The following BBS9 variants were observed in gnomAD, a reference collection of about 807,000 sequenced individuals.
The protein encoded by BBS9 is protein PTHB1.
BBS9 carries 89 observed loss-of-function variants against 117.7 expected under a neutral mutation model. The observed-to-expected ratio is 0.76, with a 90% CI of 0.64 to 0.90. The LOEUF (loss-of-function observed/expected upper bound fraction) is 0.90, where lower values mean the gene tolerates loss of function less well. Among genes scored for constraint, BBS9 ranks in the 40% least tolerant of loss-of-function variants. BBS9 has a pLI of 0.00. For missense variants in BBS9, 982 were observed against 1,042.2 expected (o/e 0.94, Z 0.80); for synonymous variants, 379 against 370.9 (o/e 1.02, Z -0.25).
downstream of BBS9, among the ~76,000 whole-genome samples, chr7:33,610,441 G>A (rs1265512869): frequency 6.6e-6 from 1 of 152,144 alleles, no homozygotes; most frequent in African/African-American, 2.4e-5. Flanking sequence ...CCACTTCCAA[G>A]ACGGCGCCTT....
At chr7:33,435,629 G>C (rs1349138384) in intron 19 of BBS9, among the ~76,000 whole-genome samples, 2 of 152,128 alleles carry the variant, frequency 1.3e-5, no homozygotes, top group Non-Finnish European at 2.9e-5. Flanking sequence ...TAAATACCAA[G>C]CATAGTATGT....
intron 19 of BBS9, among the ~76,000 whole-genome samples, chr7:33,486,038 G>C (rs1007268709): frequency 1.3e-5 from 2 of 152,148 alleles, no homozygotes; most frequent in Non-Finnish European, 2.9e-5. Flanking sequence ...TCTTGTTGGC[G>C]GTGTGGGAGT....
intron 9 of BBS9, among the ~76,000 whole-genome samples, chr7:33,311,636 A>T (rs1388479957): frequency 6.6e-6 from 1 of 152,094 alleles, no homozygotes; most frequent in Non-Finnish European, 1.5e-5. Context: ...GGCCAACATG[A>T]GAAAACCCCG....
At chr7:33,486,053 G>A (rs1185315276) in intron 19 of BBS9, among the ~76,000 whole-genome samples, 2 of 152,106 alleles carry the variant, frequency 1.3e-5, no homozygotes, top group Non-Finnish European at 2.9e-5. Flanking sequence ...GGGAGTAGGG[G>A]GAAAGTAGAA....
chr7:33,471,655 A>G (rs539489656), intron 19 of BBS9, among the ~76,000 whole-genome samples: 8 of 152,296 alleles, frequency 5.3e-5, no homozygotes, highest in African/African-American at 1.7e-4. Flanking sequence ...GCCAGAGGCA[A>G]TGGCAGTGTT....
intron 19 of BBS9, among the ~76,000 whole-genome samples, chr7:33,489,373 C>T (rs959452144): frequency 9.8e-5 from 14 of 142,458 alleles, no homozygotes; most frequent in African/African-American, 3.7e-4. Flanking sequence ...GAGTTTTCTC[C>T]AGTAGGTAGA....
intron 19 of BBS9, among the ~76,000 whole-genome samples, chr7:33,436,149 T>A (rs886726604): frequency 2.6e-5 from 4 of 152,214 alleles, no homozygotes; most frequent in African/African-American, 7.2e-5. Flanking sequence ...CAGTTTGGGC[T>A]GCCCTACTTA....
intron 4 of BBS9, among the ~76,000 whole-genome samples, chr7:33,169,255 A>G (rs201504956): frequency 2.0e-5 from 3 of 150,868 alleles, no homozygotes; most frequent in South Asian, 2.1e-4. Flanking sequence ...ATTGTGAATA[A>G]TGCCGCAATA....
chr7:33,410,898 G>T (rs1246416205), intron 19 of BBS9, among the ~76,000 whole-genome samples: 2 of 150,350 alleles, frequency 1.3e-5, no homozygotes, highest in African/African-American at 4.9e-5. Flanking sequence ...CGTCTCGTAA[G>T]ATCCATAGTA....
chr7:33,596,444 G>A lies in BBS9; in HGVS notation c.2522-8421G>A, dbSNP rs527534738. Reference sequence around the variant, plus strand: ...ACCATCATACCTTTACCAATTGGGTGCTCTTGAGGAAAAGTTAAGTCCAAG... The same window carrying A: ...ACCATCATACCTTTACCAATTGGGTACTCTTGAGGAAAAGTTAAGTCCAAG... On this transcript the variant is annotated intron_variant, in intron 21 of 22. Coordinates refer to ENST00000242067, the MANE Select transcript of BBS9 (RefSeq NM_198428.3). Among the ~76,000 whole-genome samples, 7 of 151,804 alleles carry A rather than the reference G, an allele frequency of 4.6e-5. No homozygotes were observed. The South Asian group carries it at 1.5e-3, about 32-fold the overall frequency.
intron 21 of BBS9, among the ~76,000 whole-genome samples, chr7:33,542,597 T>G (rs1852507896): frequency 6.6e-6 from 1 of 152,168 alleles, no homozygotes; most frequent in South Asian, 2.1e-4. Context: ...TTTCCATTCC[T>G]GAGTTACATC....
At position 33,391,951 on chromosome 7, in the gene BBS9, C is replaced by T. The variant is rs140118132; in HGVS notation, c.2115+3807C>T. Reference sequence around the variant, plus strand: ...TTTAGGTTTCTCTGCCTAGGAAATCCTTCCTTATGTATGCCAAGAGTATAT... The same window carrying T: ...TTTAGGTTTCTCTGCCTAGGAAATCTTTCCTTATGTATGCCAAGAGTATAT... On this transcript the variant is annotated intron_variant, in intron 19 of 22. Coordinates refer to ENST00000242067, the MANE Select transcript of BBS9 (RefSeq NM_198428.3). 3.8e-4 allele frequency among the ~76,000 whole-genome samples: 58 copies of T among 152,188 alleles called. No individual in the cohort carries two copies. The East Asian group carries it at 0.01, about 26-fold the overall frequency.
chr7:33,372,184 A>T (rs1823000088), intron 17 of BBS9, among the ~76,000 whole-genome samples: 1 of 152,282 alleles, frequency 6.6e-6, no homozygotes, highest in Non-Finnish European at 1.5e-5. Context: ...GAGATTGCAG[A>T]TTCTGATAAT....
At chr7:33,521,559 G>C (rs1374486783) in intron 20 of BBS9, among the ~76,000 whole-genome samples, 3 of 152,124 alleles carry the variant, frequency 2.0e-5, no homozygotes, top group African/African-American at 7.2e-5. Flanking sequence ...AGAGTTAGTA[G>C]ATTACATGTG....
At chr7:33,169,260 G>T (rs1343785067) in intron 4 of BBS9, among the ~76,000 whole-genome samples, 1 of 150,626 alleles carries the variant, frequency 6.6e-6, no homozygotes, top group Non-Finnish European at 1.5e-5. Flanking sequence ...GAATAATGCC[G>T]CAATAAACAT....
chr7:33,598,229 G>A (rs62449376), intron 21 of BBS9, among the ~76,000 whole-genome samples: 2 of 126,434 alleles, frequency 1.6e-5, no homozygotes, highest in Non-Finnish European at 3.1e-5. Context: ...AAGAGTTTAT[G>A]GGAAAAAAAA....
intron 21 of BBS9, among the ~76,000 whole-genome samples, chr7:33,567,051 T>G (rs1227187078): frequency 1.3e-5 from 2 of 152,156 alleles, no homozygotes; most frequent in Non-Finnish European, 2.9e-5. Context: ...CTGTTCGCCT[T>G]CAGAATGGAA....
rs80132650 is a variant in BBS9, at chr7:33,603,975, T to C, written c.2522-890T>C. The stretch of plus-strand genomic sequence containing the variant: ...TACCCTCTCTTTCCTCAGAATGATG[T>C]GAGCTTCATAAACCCCTTTATGCAT... On this transcript the variant is annotated intron_variant, in intron 21 of 22. Transcript: ENST00000242067. 5.7e-3 allele frequency among the ~76,000 whole-genome samples: 872 copies of C among 152,306 alleles called. 24 individuals carry two copies. In the East Asian group the frequency reaches 0.088, roughly 15 times the overall value.
At chr7:33,604,109 G>A (rs942324794) in intron 21 of BBS9, among the ~76,000 whole-genome samples, 4 of 152,156 alleles carry the variant, frequency 2.6e-5, no homozygotes, top group African/African-American at 9.7e-5. Context: ...AGCATGTACA[G>A]TATACAACAT....
Sources: gnomAD v4.1 joint callset for allele counts (sites outside exome capture counted in the v4.1 genomes callset) on GRCh38, gnomAD v4.1.1 for gene constraint, MANE v1.5 for transcripts, NCBI Gene and HGNC (gene_info 2026-07-23, HGNC 2026-07-21) for gene names.